The following ZBTB38 variants were observed in gnomAD, a reference collection of about 807,000 sequenced individuals.
The protein encoded by ZBTB38 is zinc finger and BTB domain-containing protein 38.
A neutral mutation model predicts 76.8 loss-of-function variants in ZBTB38; 20 were observed. The observed-to-expected ratio is 0.26, with a 90% CI of 0.18 to 0.38. ZBTB38 has a LOEUF of 0.38. ZBTB38 is among the 10% of genes least tolerant of loss of function. ZBTB38 has a pLI of 1.00. For synonymous variants in ZBTB38, 504 were observed against 544.2 expected (o/e 0.93, Z 1.03); for missense variants, 1,082 against 1,482.3 (o/e 0.73, Z 4.43).
At chr3:141,390,991 CA>C (rs1348705913) in intron 4 of ZBTB38, among the ~76,000 whole-genome samples, 1 of 151,856 alleles carries the variant, frequency 6.6e-6, no homozygotes, top group Non-Finnish European at 1.5e-5. Context: ...CCCATCTCCA[CA>C]AAAAATTTTA....
In ZBTB38 at chr3:141,443,252, C is replaced by A; in HGVS notation, c.864C>A (p.Ser288=). The A allele has an allele frequency of 6.2e-7, 1 of 1,614,226 alleles. No individual in the cohort carries two copies. Among genetic ancestry groups the A allele is most frequent in the South Asian group, 1.1e-5 (1 of 91,076 alleles). The change falls in exon 6 of 6, where the codon TCC becomes TCA. Residue 288 remains serine (S), a synonymous_variant. Coordinates refer to ENST00000321464, the MANE Select transcript of ZBTB38 (RefSeq NM_001376113.1). This position sits in a 1 kb window ranked among gnomAD's most constrained non-coding sequence, Gnocchi z 5.6. ...ATENIPPPPV[S]NLEVNQERSP... ...AAAATATACCACCCCCTCCAGTATC[C>A]AACTTAGAGGTTAATCAAGAAAGAA...
chr3:141,362,664 G>A (rs1383368098), intron 1 of ZBTB38, among the ~76,000 whole-genome samples: 1 of 152,110 alleles, frequency 6.6e-6, no homozygotes, highest in East Asian at 1.9e-4. Flanking sequence ...AGAGCGGAAG[G>A]ACCAGAGGAA....
At chr3:141,343,718 C>T (rs1261672394) in intron 1 of ZBTB38, among the ~76,000 whole-genome samples, 1 of 152,142 alleles carries the variant, frequency 6.6e-6, no homozygotes. Context: ...AGAGCCAGGA[C>T]CAGGCATGGA....
chr3:141,403,232 T>C (rs1205195455), intron 4 of ZBTB38: 2 of 152,260 alleles, frequency 1.3e-5, no homozygotes, highest in Non-Finnish European at 2.9e-5. Context: ...ATATGTGTTA[T>C]GGTGCCTTAT....
intron 1 of ZBTB38, among the ~76,000 whole-genome samples, chr3:141,357,131 G>C (rs1943685575): frequency 6.6e-6 from 1 of 152,150 alleles, no homozygotes; most frequent in South Asian, 2.1e-4. Flanking sequence ...CAATGCGACA[G>C]GCAAATGACC....
intron 5 of ZBTB38, among the ~76,000 whole-genome samples, chr3:141,412,232 GA>G (rs963572861): frequency 4.0e-5 from 6 of 150,794 alleles, no homozygotes; most frequent in East Asian, 3.9e-4. Flanking sequence ...TGGTCGGGAA[GA>G]AAAAAAAATG....
intron 5 of ZBTB38, chr3:141,433,989 C>T (rs1173484532): frequency 6.4e-6 from 1 of 156,204 alleles, no homozygotes; most frequent in African/African-American, 2.4e-5. Context: ...TTTCTCAAGG[C>T]CGCTCTCTAG....
At chr3:141,426,073 C>A in intron 5 of ZBTB38, 1 of 1,156,254 alleles carries the variant, frequency 8.6e-7, no homozygotes, top group Non-Finnish European at 1.2e-6. Context: ...ACAATGGGGA[C>A]ATTGTTGCAT....
At chr3:141,353,919 C>T (rs905722893) in intron 1 of ZBTB38, among the ~76,000 whole-genome samples, 2 of 152,148 alleles carry the variant, frequency 1.3e-5, no homozygotes, top group African/African-American at 2.4e-5. Flanking sequence ...TGCAGAACAA[C>T]ATGATCATCA....
At chr3:141,400,222 G>A (rs1368175390) in intron 4 of ZBTB38, among the ~76,000 whole-genome samples, 2 of 152,206 alleles carry the variant, frequency 1.3e-5, no homozygotes, top group East Asian at 1.9e-4. Flanking sequence ...TTTGAAGAAC[G>A]GGTTGATTAT....
intron 2 of ZBTB38, among the ~76,000 whole-genome samples, chr3:141,373,022 A>G (rs1321397924): frequency 6.6e-6 from 1 of 152,224 alleles, no homozygotes; most frequent in Non-Finnish European, 1.5e-5. Flanking sequence ...GAAGGGGAGT[A>G]AGACCACCAC....
Position 141,418,419 on chromosome 3 carries a change from C to G in ZBTB38, c.-1+14388C>G, listed in dbSNP as rs148692623. Reference sequence around the variant, plus strand: ...CCCTATCCTTCAAGAGCGAGCCCCCCCTCCCTTGCACTGACTCCTGTTCCC... The same window carrying G: ...CCCTATCCTTCAAGAGCGAGCCCCCGCTCCCTTGCACTGACTCCTGTTCCC... On this transcript the variant is annotated intron_variant, in intron 5 of 5. Transcript: ENST00000321464. Among the ~76,000 whole-genome samples, 404 of 152,314 alleles carry G rather than the reference C, an allele frequency of 2.7e-3. 2 individuals carry two copies. Among genetic ancestry groups the G allele is most frequent in the African/African-American group, 8.8e-3 (366 of 41,560 alleles).
chr3:141,407,828 T>C (rs1303699515), intron 5 of ZBTB38, among the ~76,000 whole-genome samples: 2 of 152,234 alleles, frequency 1.3e-5, no homozygotes, highest in African/African-American at 4.8e-5. Context: ...ATGTCTATAC[T>C]CAAAATTTTT....
At chr3:141,336,728 G>A (rs943599822) in intron 1 of ZBTB38, among the ~76,000 whole-genome samples, 2 of 152,152 alleles carry the variant, frequency 1.3e-5, no homozygotes, top group Admixed American at 6.5e-5. Context: ...GTCGGCCTCT[G>A]GGCAGAGATA....
At chr3:141,341,376 T>C (rs1021143815) in intron 1 of ZBTB38, among the ~76,000 whole-genome samples, 11 of 152,250 alleles carry the variant, frequency 7.2e-5, no homozygotes, top group African/African-American at 2.4e-4. Context: ...TGTATACAAA[T>C]GCTGTTCATA....
At chr3:141,371,317 C>T (rs779903223) in intron 2 of ZBTB38, among the ~76,000 whole-genome samples, 9 of 151,744 alleles carry the variant, frequency 5.9e-5, no homozygotes, top group Admixed American at 2.0e-4. Context: ...TGCCAAAGTG[C>T]TGAGATTACA....
At position 141,443,383 on chromosome 3, in the gene ZBTB38, C is replaced by T. The variant is rs975932379; in HGVS notation, c.995C>T (p.Pro332Leu). The T allele has an allele frequency of 2.3e-5, 37 of 1,614,088 alleles. 1 individual carries two copies. Among genetic ancestry groups the T allele is most frequent in the Admixed American group, 1.2e-4 (7 of 60,010 alleles). Residue 332 changes from proline to leucine, a missense_variant, in exon 6 of 6, where the codon CCG becomes CTG. This residue lies in a region of ZBTB38 where 324 missense variants were observed against 359.1 expected (regional missense o/e 0.90). Transcript: ENST00000321464. This position sits in a 1 kb window ranked among gnomAD's most constrained non-coding sequence, Gnocchi z 5.6. The part of the protein sequence containing the change: ...DENQSSDVPG[P>L]PAAEVPPLVY... ...AATCAATCTTCTGATGTTCCCGGGC[C>T]GCCAGCCGCAGAGGTTCCACCTCTG...
At chr3:141,356,366 G>C (rs1389455303) in intron 1 of ZBTB38, among the ~76,000 whole-genome samples, 1 of 152,038 alleles carries the variant, frequency 6.6e-6, no homozygotes, top group Non-Finnish European at 1.5e-5. Flanking sequence ...TCCTGGCATG[G>C]GGCTACACTT....
intron 1 of ZBTB38, among the ~76,000 whole-genome samples, chr3:141,328,489 G>A (rs1325736144): frequency 6.6e-6 from 1 of 152,086 alleles, no homozygotes; most frequent in Non-Finnish European, 1.5e-5. Context: ...TGAACTTCTT[G>A]TCCATCCCAG....
Sources: allele counts gnomAD v4.1 joint callset (sites outside exome capture counted in the v4.1 genomes callset), GRCh38; gene constraint gnomAD v4.1.1; regional missense constraint gnomAD v4.1.1; non-coding constraint Gnocchi (gnomAD v3.1); transcripts MANE v1.5; gene names NCBI Gene and HGNC (gene_info 2026-07-23, HGNC 2026-07-21).